Variants in TTC1 observed in about 807,000 individuals in gnomAD.
The protein encoded by TTC1 is tetratricopeptide repeat domain 1.
A neutral mutation model predicts 37.6 loss-of-function variants in TTC1; 31 were observed. The observed-to-expected ratio is 0.82, with a 90% CI of 0.62 to 1.11. The LOEUF (loss-of-function observed/expected upper bound fraction) is 1.11. Ranked by LOEUF, TTC1 falls within the 50% of genes most tolerant of loss-of-function variation. The pLI, the probability that TTC1 is intolerant of heterozygous loss-of-function variation, is 0.00. For missense variants in TTC1, 351 were observed against 339.0 expected, an observed-to-expected ratio of 1.04 and a Z score of -0.28; for synonymous variants, 127 against 122.4, an observed-to-expected ratio of 1.04 and a Z score of -0.25.
At chr5:160,052,412 A>G (rs1757425107) in intron 7 of TTC1, among the ~76,000 whole-genome samples, 1 of 151,934 alleles carries the variant, frequency 6.6e-6, no homozygotes, top group African/African-American at 2.4e-5. Context: ...ACTTGAGCCC[A>G]AGGGTTAGAG....
intron 2 of TTC1, among the ~76,000 whole-genome samples, chr5:160,026,758 T>C (rs1017245506): frequency 6.6e-6 from 1 of 152,210 alleles, no homozygotes; most frequent in Non-Finnish European, 1.5e-5. Context: ...TAATCTCTGC[T>C]CTTTGAGTTG....
At chr5:160,035,006 T>G in intron 2 of TTC1, 134 bp from the exon 3 acceptor site, 1 of 620,758 alleles carries the variant, frequency 1.6e-6, no homozygotes, top group Non-Finnish European at 2.5e-6. Flanking sequence ...TGTACAAGGT[T>G]TTGGTGAAAC....
At chr5:160,028,298 C>CAAAAAA (rs61408395) in intron 2 of TTC1, among the ~76,000 whole-genome samples, 2 of 79,702 alleles carry the variant, frequency 2.5e-5, no homozygotes, top group Non-Finnish European at 5.2e-5. Context: ...GACTCCGTCT[C>CAAAAAA]AAAAAAAAAA....
chr5:160,054,212 C>G (rs1757481363), intron 7 of TTC1, among the ~76,000 whole-genome samples: 1 of 152,092 alleles, frequency 6.6e-6, no homozygotes, highest in Non-Finnish European at 1.5e-5. Context: ...AAATAGAGAC[C>G]CTGGACATAG....
intron 5 of TTC1, 64 bp from the exon 6 acceptor site, chr5:160,049,450 A>G: frequency 7.2e-7 from 1 of 1,390,308 alleles, no homozygotes; most frequent in Non-Finnish European, 9.6e-7. Flanking sequence ...AAGGAATCTG[A>G]TATAGCCAAA....
Position 160,051,178 on chromosome 5 carries a change from T to A in TTC1, c.740T>A (p.Met247Lys), listed in dbSNP as rs1413092475. Residue 247 changes from methionine (M) to lysine (K), a missense_variant, in exon 7 of 8, where the codon ATG becomes AAG. Met to Lys is a moderately conservative substitution (Grantham distance 95). Coordinates refer to ENST00000231238, the MANE Select transcript of TTC1 (RefSeq NM_003314.3). The part of the protein sequence containing the change: ...EERNERLKEE[M>K]LGKLKDLGNL... ...CGTAATGAAAGACTAAAAGAAGAGA[T>A]GTTAGGTAAGCTTACTTCTTACTTT... The A allele has an allele frequency of 6.2e-7, 1 of 1,609,750 alleles. No individual in the cohort carries two copies. Among genetic ancestry groups the A allele is most frequent in the Non-Finnish European group, 8.5e-7 (1 of 1,177,610 alleles).
chr5:160,045,501 C>T (rs867803972), intron 5 of TTC1, among the ~76,000 whole-genome samples: 8 of 108,604 alleles, frequency 7.4e-5, no homozygotes, highest in Admixed American at 3.6e-4. Flanking sequence ...CACACACACA[C>T]ACACACACAC....
intron 3 of TTC1, 28 bp downstream of exon 3, chr5:160,035,228 T>C (rs1756982609): frequency 6.4e-7 from 1 of 1,569,728 alleles, no homozygotes; most frequent in African/African-American, 1.4e-5. Context: ...ACTGATAATC[T>C]GGTCATCTTG....
At chr5:160,030,319 AC>A (rs1325093306) in intron 2 of TTC1, among the ~76,000 whole-genome samples, 1 of 152,158 alleles carries the variant, frequency 6.6e-6, no homozygotes, top group Non-Finnish European at 1.5e-5. Flanking sequence ...GCTCTGAGAG[AC>A]AATAGTGAGA....
intron 2 of TTC1, among the ~76,000 whole-genome samples, chr5:160,023,385 G>C (rs1756746367): frequency 6.6e-6 from 1 of 151,440 alleles, no homozygotes; most frequent in Non-Finnish European, 1.5e-5. Context: ...TCTACCTCTG[G>C]GGCTCAAGTG....
chr5:160,041,504 G>C (rs1184313891), intron 4 of TTC1, among the ~76,000 whole-genome samples: 1 of 151,664 alleles, frequency 6.6e-6, no homozygotes, highest in East Asian at 1.9e-4. Context: ...CTAGAGATGG[G>C]GTTTCACCAT....
intron 6 of TTC1, among the ~76,000 whole-genome samples, chr5:160,050,797 T>C (rs1757382121): frequency 6.6e-6 from 1 of 151,994 alleles, no homozygotes. Context: ...AGCTAATTTT[T>C]GTATTTCTTG....
intron 7 of TTC1, among the ~76,000 whole-genome samples, chr5:160,063,158 CT>C (rs1753481297): frequency 1.3e-5 from 2 of 152,266 alleles, no homozygotes; most frequent in South Asian, 4.1e-4. Context: ...AGTGAGCTTC[CT>C]TGGGCTAGTT....
chr5:160,046,616 ATTTATG>A (rs1757254335), intron 5 of TTC1, among the ~76,000 whole-genome samples: 1 of 152,098 alleles, frequency 6.6e-6, no homozygotes, highest in Admixed American at 6.6e-5. Flanking sequence ...GTTATGTTAT[ATTTATG>A]TTTATGTTAT....
intron 6 of TTC1, among the ~76,000 whole-genome samples, chr5:160,050,277 G>A (rs879263547): frequency 6.6e-6 from 1 of 151,994 alleles, no homozygotes; most frequent in Non-Finnish European, 1.5e-5. Flanking sequence ...GAGAAACCCT[G>A]TCTCTACTAA....
chr5:160,061,777 CAAAA>C (rs1333721396), intron 7 of TTC1: 1 of 151,850 alleles, frequency 6.6e-6, no homozygotes, highest in Non-Finnish European at 1.5e-5. Flanking sequence ...TTGGGTCATC[CAAAA>C]AACAGATGCC....
chr5:160,064,979 T>A lies in TTC1; in HGVS notation c.793T>A (p.Ser265Thr). 1 of 1,614,060 alleles carries A rather than the reference T, an allele frequency of 6.2e-7. No homozygotes were observed. Among genetic ancestry groups the A allele is most frequent in the Non-Finnish European group, 8.5e-7 (1 of 1,180,020 alleles). The part of the protein sequence containing the change: ...GNLVLRPFGL[S>T]TENFQIKQDS... ...CTTGGTTCTCCGACCTTTTGGGCTCTCCACGGAAAATTTCCAGATCAAACA... is the reference window on the plus strand; with the variant it reads ...CTTGGTTCTCCGACCTTTTGGGCTCACCACGGAAAATTTCCAGATCAAACA... Residue 265 changes from serine to threonine, a missense_variant, in exon 8 of 8, where the codon TCC becomes ACC. Coordinates refer to ENST00000231238, the MANE Select transcript of TTC1 (RefSeq NM_003314.3).
chr5:160,042,625 G>A (rs1757119207), intron 4 of TTC1, among the ~76,000 whole-genome samples: 1 of 152,192 alleles, frequency 6.6e-6, no homozygotes, highest in Non-Finnish European at 1.5e-5. Context: ...TAAGAGTTGT[G>A]TATTTTTGTT....
chr5:160,026,341 CTGTA>C (rs1422541578), intron 2 of TTC1, among the ~76,000 whole-genome samples: 11 of 152,136 alleles, frequency 7.2e-5, no homozygotes, highest in Non-Finnish European at 1.5e-4. Context: ...CTGTACATTT[CTGTA>C]TGTTTTTCCA....
Sources: allele counts gnomAD v4.1 joint callset (sites outside exome capture counted in the v4.1 genomes callset), GRCh38; gene constraint gnomAD v4.1.1; transcripts MANE v1.5; gene names NCBI Gene and HGNC (gene_info 2026-07-23, HGNC 2026-07-21).